Variants in ATP10B observed in about 807,000 individuals in gnomAD.
ATP10B encodes ATPase phospholipid transporting 10B (putative).
A neutral mutation model predicts 141.2 loss-of-function variants in ATP10B; 122 were observed. The ratio of observed to expected loss-of-function variants is 0.86; its 90% CI spans 0.75 to 1.00. The LOEUF (loss-of-function observed/expected upper bound fraction) is 1.00, where lower values mean the gene tolerates loss of function less well. Ranked by LOEUF, ATP10B falls within the 50% of genes least tolerant of loss-of-function variation. The pLI, the probability that ATP10B is intolerant of heterozygous loss-of-function variation, is 0.00. For missense variants in ATP10B, 1,876 were observed against 1,825.3 expected, an observed-to-expected ratio of 1.03 and a Z score of -0.51; for synonymous variants, 685 against 692.0, an observed-to-expected ratio of 0.99 and a Z score of 0.16.
At chr5:160,653,044 G>A (rs1490367422) in intron 7 of ATP10B, among the ~76,000 whole-genome samples, 4 of 103,946 alleles carry the variant, frequency 3.8e-5, no homozygotes, top group East Asian at 5.0e-4. Context: ...TTATATTTAT[G>A]TATATAATTA....
At chr5:160,920,045 A>G in the ATP10B span, among the ~76,000 whole-genome samples, 1 of 152,206 alleles carries the variant, frequency 6.6e-6, no homozygotes, top group Non-Finnish European at 1.5e-5. Flanking sequence ...TGTCCTCTGT[A>G]CTGAGATGCT....
chr5:160,821,314 G>A (rs1774083611), intron 1 of ATP10B, among the ~76,000 whole-genome samples: 1 of 151,814 alleles, frequency 6.6e-6, no homozygotes, highest in African/African-American at 2.4e-5. Flanking sequence ...TGAAAGAAGT[G>A]GAAGATCTTT....
intron 22 of ATP10B, among the ~76,000 whole-genome samples, chr5:160,593,308 G>A (rs977031288): frequency 6.6e-6 from 1 of 152,124 alleles, no homozygotes; most frequent in African/African-American, 2.4e-5. Context: ...AGGCAAACAG[G>A]GTCTGGATTG....
chr5:160,623,533 T>C (rs1434415920), intron 13 of ATP10B, among the ~76,000 whole-genome samples: 2 of 152,274 alleles, frequency 1.3e-5, no homozygotes, highest in Admixed American at 1.3e-4. Context: ...CTATTTTTTT[T>C]TTTTCTTTTC....
intron 19 of ATP10B, among the ~76,000 whole-genome samples, chr5:160,606,181 A>C (rs1359096350): frequency 1.3e-5 from 2 of 152,206 alleles, no homozygotes; most frequent in Admixed American, 1.3e-4. Flanking sequence ...GTGTTAAGTA[A>C]GTGCAGTTTT....
At chr5:160,753,103 G>A (rs1225099857) in intron 2 of ATP10B, among the ~76,000 whole-genome samples, 2 of 152,208 alleles carry the variant, frequency 1.3e-5, no homozygotes, top group Non-Finnish European at 2.9e-5. Flanking sequence ...TGTGCCAGGG[G>A]ATGGTTAAGA....
At chr5:160,566,030 T>C (rs879110166) in intron 25 of ATP10B, 130 bp from the exon 26 acceptor site, 8 of 829,216 alleles carry the variant, frequency 9.6e-6, no homozygotes, top group South Asian at 3.6e-5. Flanking sequence ...ATTAAATCCA[T>C]GTCTGGGCAC....
chr5:160,767,634 A>ACCCCC (rs1561833441), intron 2 of ATP10B, among the ~76,000 whole-genome samples: 4 of 92,282 alleles, frequency 4.3e-5, no homozygotes, highest in African/African-American at 7.8e-5. Flanking sequence ...ATGTGTGCAG[A>ACCCCC]ACCCCCCCCC....
the ATP10B span, among the ~76,000 whole-genome samples, chr5:160,885,377 T>G: frequency 2.6e-5 from 4 of 152,136 alleles, no homozygotes; most frequent in Admixed American, 6.5e-5. Flanking sequence ...GAAAAAGTGG[T>G]TCCTCAGTGA....
At chr5:160,775,638 T>A (rs1179478431) in intron 2 of ATP10B, among the ~76,000 whole-genome samples, 5 of 151,688 alleles carry the variant, frequency 3.3e-5, no homozygotes, top group Non-Finnish European at 5.9e-5. Flanking sequence ...ACTAGCTACA[T>A]GGGTTCAAGA....
chr5:160,751,035 T>TG (rs1768116799), intron 2 of ATP10B, among the ~76,000 whole-genome samples: 1 of 152,246 alleles, frequency 6.6e-6, no homozygotes, highest in Admixed American at 6.5e-5. Context: ...GCCTGCAGTG[T>TG]GCCCTGTGCA....
chr5:160,721,050 T>C (rs887690885), intron 2 of ATP10B, among the ~76,000 whole-genome samples: 5 of 152,140 alleles, frequency 3.3e-5, no homozygotes, highest in Non-Finnish European at 5.9e-5. Context: ...TGTGTGTGTG[T>C]GTAAATATTT....
chr5:160,817,149 CCAGGGCA>C (rs1773698978), intron 1 of ATP10B, among the ~76,000 whole-genome samples: 1 of 152,090 alleles, frequency 6.6e-6, no homozygotes, highest in Admixed American at 6.5e-5. Flanking sequence ...GAAGTTCTGG[CCAGGGCA>C]ATCAGGCAGG....
chr5:160,618,075 G>C, intron 15 of ATP10B, 102 bp from the exon 16 acceptor site: 1 of 947,342 alleles, frequency 1.1e-6, no homozygotes, highest in South Asian at 1.4e-5. Context: ...AAATACTTTA[G>C]AGAAGGAATC....
At chr5:160,616,722 T>C (rs1758020415) in intron 16 of ATP10B, among the ~76,000 whole-genome samples, 2 of 152,184 alleles carry the variant, frequency 1.3e-5, no homozygotes, top group African/African-American at 4.8e-5. Flanking sequence ...ATTCCCTGAG[T>C]CCCTCTGCAT....
intron 17 of ATP10B, among the ~76,000 whole-genome samples, chr5:160,614,945 AGGTGTG>A (rs1757914684): frequency 6.6e-6 from 1 of 152,136 alleles, no homozygotes; most frequent in East Asian, 1.9e-4. Flanking sequence ...TTTGCTCCCA[AGGTGTG>A]AGGACATTAA....
intron 1 of ATP10B, among the ~76,000 whole-genome samples, chr5:160,798,926 A>G (rs1772157844): frequency 6.6e-6 from 1 of 151,534 alleles, no homozygotes; most frequent in Admixed American, 6.6e-5. Context: ...TAATTTTTGT[A>G]CTTTTATTCG....
chr5:160,809,342 A>G (rs1772989264), intron 1 of ATP10B, among the ~76,000 whole-genome samples: 1 of 152,154 alleles, frequency 6.6e-6, no homozygotes, highest in South Asian at 2.1e-4. Context: ...TTATCATTTT[A>G]TTTCATATTA....
At chr5:160,815,610 CAG>C (rs1330230441) in intron 1 of ATP10B, among the ~76,000 whole-genome samples, 1 of 152,082 alleles carries the variant, frequency 6.6e-6, no homozygotes, top group East Asian at 1.9e-4. Flanking sequence ...ATCAACGAGA[CAG>C]AAAGTTAACA....
Sources: gnomAD v4.1 joint callset for allele counts (sites outside exome capture counted in the v4.1 genomes callset) on GRCh38, gnomAD v4.1.1 for gene constraint, MANE v1.5 for transcripts, NCBI Gene and HGNC (gene_info 2026-07-23, HGNC 2026-07-21) for gene names.